The following NCAPG variants were observed in gnomAD, a reference collection of about 807,000 sequenced individuals.
The protein encoded by NCAPG is non-SMC condensin I complex subunit G, also known as condensin complex subunit 3.
In NCAPG, 69 loss-of-function variants were observed where a neutral mutation model predicts 113.1. That is an observed-to-expected ratio of 0.61 (90% CI 0.50 to 0.75). NCAPG has a LOEUF of 0.75. Ranked by LOEUF, NCAPG falls within the 30% of genes least tolerant of loss-of-function variation. The pLI, the probability that NCAPG is intolerant of heterozygous loss-of-function variation, is 0.00. For synonymous variants in NCAPG, 370 were observed against 415.8 expected (o/e 0.89, Z 1.34); for missense variants, 1,058 against 1,177.0 (o/e 0.90, Z 1.48).
rs756758254 is a variant in NCAPG, at chr4:17,822,968, T to A, written c.1119-15T>A. 1 of 1,566,520 alleles carries A rather than the reference T, an allele frequency of 6.4e-7. No homozygotes were observed. Among genetic ancestry groups the A allele is most frequent in the Non-Finnish European group, 8.6e-7 (1 of 1,161,966 alleles). ...TTCTTAAAAGATTCTACTTTATTAA[T>A]TCTGCTTGTTTTAGTTACATCCAGA... On this transcript the variant is annotated splice_polypyrimidine_tract_variant and intron_variant, in intron 7 of 20. Coordinates refer to ENST00000251496, the MANE Select transcript of NCAPG (RefSeq NM_022346.5).
chr4:17,820,234 A>G (rs915169662), intron 7 of NCAPG, among the ~76,000 whole-genome samples: 8 of 152,146 alleles, frequency 5.3e-5, no homozygotes, highest in Non-Finnish European at 1.0e-4. Context: ...AGGGATTAAC[A>G]TTTCCTTTGT....
chr4:17,839,056 C>T (rs976828218), intron 16 of NCAPG, among the ~76,000 whole-genome samples: 4 of 152,170 alleles, frequency 2.6e-5, no homozygotes, highest in African/African-American at 9.6e-5. Context: ...TGGAGGAGTC[C>T]AGGAAAACTC....
chr4:17,822,209 T>C (rs1721485936), intron 7 of NCAPG, among the ~76,000 whole-genome samples: 2 of 150,892 alleles, frequency 1.3e-5, no homozygotes, highest in Non-Finnish European at 3.0e-5. Context: ...TTTTTTTTTT[T>C]TTGAGATGGA....
chr4:17,833,039 G>C (rs1160791963), intron 13 of NCAPG, among the ~76,000 whole-genome samples: 2 of 152,064 alleles, frequency 1.3e-5, no homozygotes, highest in Non-Finnish European at 2.9e-5. Context: ...TAAAAGCCAA[G>C]TTATAGAGCC....
intron 5 of NCAPG, among the ~76,000 whole-genome samples, chr4:17,816,607 A>G (rs1721223286): frequency 6.6e-6 from 1 of 152,248 alleles, no homozygotes; most frequent in South Asian, 2.1e-4. Context: ...GTGCTTGTAT[A>G]GTTCACTACT....
intron 6 of NCAPG, 113 bp downstream of exon 6, chr4:17,817,566 CTT>C: frequency 2.5e-6 from 2 of 813,396 alleles, no homozygotes; most frequent in East Asian, 2.7e-5. Flanking sequence ...TCTTAACTCT[CTT>C]TTGTTTTCTT....
In NCAPG at chr4:17,828,450, T is replaced by A. The variant is rs534364741; in HGVS notation, c.1764+62T>A. The A allele has an allele frequency of 7.0e-4, 628 of 898,522 alleles. 10 individuals carry two copies. Among genetic ancestry groups the A allele is most frequent in the Non-Finnish European group, 2.8e-5 (16 of 576,664 alleles). 55.7% of individuals were successfully genotyped at this position (898,522 alleles called of 1,614,324 possible). ...CTCCTTTCTTATTTTGTAAGTGATA[T>A]GTTCTTTAGAAATCAAAATAATGAA... On this transcript the variant is annotated intron_variant, in intron 12 of 20. Coordinates refer to ENST00000251496, the MANE Select transcript of NCAPG (RefSeq NM_022346.5).
rs577352937 is a variant in NCAPG, at chr4:17,828,492, A to G, written c.1764+104A>G. The G allele has an allele frequency of 5.3e-6, 3 of 564,320 alleles. No homozygotes were observed. In the African/African-American group the frequency reaches 5.8e-5, roughly 11 times the overall value. 35.0% of individuals were successfully genotyped at this position (564,320 alleles called of 1,614,324 possible). On this transcript the variant is annotated intron_variant, in intron 12 of 20. Transcript: ENST00000251496. ...AATAATGAAAAGATTACTGTCTTAAATATCTGATAAGTATAAATGATAAAA... is the reference window on the plus strand; with the variant it reads ...AATAATGAAAAGATTACTGTCTTAAGTATCTGATAAGTATAAATGATAAAA...
In NCAPG at chr4:17,813,058, G is replaced by T; in HGVS notation, c.457G>T (p.Asp153Tyr). Residue 153 changes from aspartate to tyrosine, a missense_variant, in exon 3 of 21, where the codon GAT (aspartate) becomes TAT (tyrosine). Transcript: ENST00000251496. ...TAAAGCCATGCTTATTAGATTGAAA[G>T]ATAAGATTCCAAATGTGAGAATACA... is the stretch of plus-strand genomic sequence containing the variant. ...INKAMLIRLK[D>Y]KIPNVRIQAV... 1.2e-6 allele frequency: 2 copies of T among 1,614,048 alleles called. No homozygotes were observed. The highest frequency in any genetic ancestry group is 1.3e-5 in the African/African-American group (1 of 75,046).
chr4:17,830,618 C>A (rs1721831017), intron 12 of NCAPG, among the ~76,000 whole-genome samples: 1 of 148,908 alleles, frequency 6.7e-6, no homozygotes, highest in Non-Finnish European at 1.5e-5. Flanking sequence ...TATGTGGTAC[C>A]CATTTGTGAC....
intron 17 of NCAPG, 83 bp from the exon 18 acceptor site, chr4:17,839,988 A>G: frequency 1.3e-6 from 2 of 1,497,350 alleles, no homozygotes; most frequent in South Asian, 2.7e-5. Flanking sequence ...AGTGTTTTTA[A>G]ACAACTTGAT....
In NCAPG at chr4:17,840,704, G is replaced by A. The variant is rs1722325842; in HGVS notation, c.2854+11G>A. 6.9e-7 allele frequency: 1 copy of A among 1,458,792 alleles called. No individual in the cohort carries two copies. The highest frequency in any genetic ancestry group is 9.1e-7 in the Non-Finnish European group (1 of 1,102,758). 90.4% of individuals were successfully genotyped at this position (1,458,792 alleles called of 1,614,324 possible). ...TAAAGACTAACAGAGGTAGTGTGTG[G>A]ATTGACCATCTTTATGATAAAAGTT... is the stretch of plus-strand genomic sequence containing the variant. On this transcript the variant is annotated intron_variant, in intron 19 of 20. Transcript: ENST00000251496.
intron 20 of NCAPG, chr4:17,842,603 A>ATCTT (rs1388251869): frequency 2.2e-6 from 1 of 445,080 alleles, no homozygotes; most frequent in Non-Finnish European, 4.1e-6. Flanking sequence ...CTTTAGTACT[A>ATCTT]TCTTTAATAT....
intron 13 of NCAPG, 30 bp from the exon 14 acceptor site, chr4:17,834,269 C>CT: frequency 5.6e-6 from 8 of 1,420,534 alleles, no homozygotes; most frequent in South Asian, 1.4e-5. Flanking sequence ...ACTGAATTTA[C>CT]TTTTTTTGGT....
At chr4:17,835,402 G>C (rs891095400) in intron 14 of NCAPG, among the ~76,000 whole-genome samples, 38 of 152,098 alleles carry the variant, frequency 2.5e-4, no homozygotes, top group African/African-American at 8.4e-4. Context: ...CTGTTGCCCA[G>C]GCTGGTCTTG....
chr4:17,821,095 A>G (rs1163715613), intron 7 of NCAPG, among the ~76,000 whole-genome samples: 1 of 152,060 alleles, frequency 6.6e-6, no homozygotes, highest in Non-Finnish European at 1.5e-5. Context: ...TTAATCTATT[A>G]ATTAAACAAC....
chr4:17,831,302 G>A lies in NCAPG; in HGVS notation c.1884+186G>A, dbSNP rs986274719. The stretch of plus-strand genomic sequence containing the variant: ...ATGTCTTTGTAGAAAAAGATGAAAC[G>A]CCAATTATGTAAGATATTCTTTTAA... On this transcript the variant is annotated intron_variant, in intron 13 of 20. Coordinates refer to ENST00000251496, the MANE Select transcript of NCAPG (RefSeq NM_022346.5). Among the ~76,000 whole-genome samples the A allele has an allele frequency of 2.6e-5, 4 of 152,052 alleles. No homozygotes were observed. The East Asian group carries it at 5.8e-4, about 22-fold the overall frequency.
intron 14 of NCAPG, among the ~76,000 whole-genome samples, chr4:17,836,678 AGACTTTT>A (rs1271028012): frequency 6.6e-6 from 1 of 152,020 alleles, no homozygotes; most frequent in African/African-American, 2.4e-5. Context: ...TGTCTTCTCT[AGACTTTT>A]GTTTACTTTT....
intron 14 of NCAPG, 70 bp downstream of exon 14, chr4:17,834,593 T>A (rs576069702): frequency 1.7e-5 from 18 of 1,052,704 alleles, no homozygotes; most frequent in Middle Eastern, 6.6e-4. Context: ...TATTATTATT[T>A]TTTAAATTTA....
Sources: gnomAD v4.1 joint callset for allele counts (sites outside exome capture counted in the v4.1 genomes callset) on GRCh38, gnomAD v4.1.1 for gene constraint, MANE v1.5 for transcripts, NCBI Gene and HGNC (gene_info 2026-07-23, HGNC 2026-07-21) for gene names.